COL5A1: variants seen among roughly 807,000 people sequenced by gnomAD.
The protein encoded by COL5A1 is collagen alpha-1(V) chain.
Under a neutral mutation model 263.7 loss-of-function variants are expected in COL5A1, and 16 were observed. The observed-to-expected ratio is 0.06, with a 90% CI of 0.04 to 0.09. The LOEUF is 0.09. Ranked by LOEUF, COL5A1 falls within the 10% of genes least tolerant of loss-of-function variation. COL5A1 has a pLI of 1.00. For missense variants in COL5A1, 2,036 were observed against 2,540.5 expected (o/e 0.80, Z 4.27); for synonymous variants, 1,012 against 1,004.5 (o/e 1.01, Z -0.14).
chr9:134,655,757 C>T (rs902034779), intron 1 of COL5A1, among the ~76,000 whole-genome samples: 3 of 152,094 alleles, frequency 2.0e-5, no homozygotes, highest in African/African-American at 4.8e-5. Flanking sequence ...GGACTCAGCC[C>T]GAAGGCTGTG....
chr9:134,738,512 C>T lies in COL5A1; in HGVS notation c.1428C>T (p.Pro476=), dbSNP rs745633063. ...AGGGCCCGCCTGGCCCAGAAGGCCC[C>T]GCGGTGAGTATCCGGCTTTATCCTG... ...LIEGPPGPEG[P]AGLPGPPGTM... is the part of the protein sequence containing the mutation. The change falls in exon 10 of 66, where the codon CCC becomes CCT. Residue 476 remains proline (P), a synonymous_variant. Coordinates refer to ENST00000371817, the MANE Select transcript of COL5A1 (RefSeq NM_000093.5). 3.1e-5 allele frequency: 50 copies of T among 1,613,996 alleles called. 1 individual carries two copies. The highest frequency in any genetic ancestry group is 3.3e-4 in the Middle Eastern group (2 of 6,062).
intron 1 of COL5A1, among the ~76,000 whole-genome samples, chr9:134,679,576 A>AG (rs1224158822): frequency 1.2e-3 from 21 of 18,256 alleles, no homozygotes; most frequent in Admixed American, 2.7e-3. Context: ...GGGGCTGGCT[A>AG]GGGGCACTGT....
chr9:134,699,793 C>T, intron 2 of COL5A1, 116 bp from the exon 3 acceptor site: 2 of 978,580 alleles, frequency 2.0e-6, no homozygotes, highest in Non-Finnish European at 3.2e-6. Flanking sequence ...GGCAGTGCCC[C>T]ACGACGGGCA....
intron 63 of COL5A1, among the ~76,000 whole-genome samples, chr9:134,827,199 G>T (rs576192844): frequency 1.3e-5 from 2 of 152,238 alleles, no homozygotes; most frequent in Non-Finnish European, 2.9e-5. Context: ...TTTCCTGCCA[G>T]GGGAAGAGCA....
intron 4 of COL5A1, among the ~76,000 whole-genome samples, chr9:134,705,973 T>C (rs1436742582): frequency 6.6e-6 from 1 of 152,206 alleles, no homozygotes; most frequent in Non-Finnish European, 1.5e-5. Flanking sequence ...TGCCCGTACC[T>C]GCACCTGCCA....
intron 2 of COL5A1, among the ~76,000 whole-genome samples, chr9:134,697,786 C>T (rs1025329921): frequency 6.6e-6 from 1 of 152,184 alleles, no homozygotes; most frequent in Non-Finnish European, 1.5e-5. Flanking sequence ...TCCAGAGTCC[C>T]CCGCCCACAT....
Position 134,703,135 on chromosome 9 carries a change from C to T in COL5A1, c.654+1802C>T, listed in dbSNP as rs115252081. ...TGAAGGTGGTGGAGATTCTGCTGAA[C>T]GTGCAGTTGGCTCTGGGTCAGTTTC... On this transcript the variant is annotated intron_variant, in intron 4 of 65. Coordinates refer to ENST00000371817, the MANE Select transcript of COL5A1 (RefSeq NM_000093.5). Among the ~76,000 whole-genome samples, 426 of 152,326 alleles carry T rather than the reference C, an allele frequency of 2.8e-3. 2 individuals are homozygous for T. Among genetic ancestry groups the T allele is most frequent in the African/African-American group, 9.0e-3 (376 of 41,578 alleles).
At chr9:134,801,874 A>G (rs1236321377) in intron 37 of COL5A1, 80 bp from the exon 38 acceptor site, 1 of 1,262,776 alleles carries the variant, frequency 7.9e-7, no homozygotes, top group Non-Finnish European at 1.2e-6. Context: ...GTGGGGGGCA[A>G]GCGTCCTGCT....
intron 65 of COL5A1, among the ~76,000 whole-genome samples, chr9:134,837,799 T>C (rs1272985331): frequency 1.3e-5 from 2 of 152,110 alleles, no homozygotes; most frequent in Non-Finnish European, 1.5e-5. Flanking sequence ...CACGTCCGAA[T>C]GCGAACCACC....
At position 134,766,479 on chromosome 9, in the gene COL5A1, C is replaced by G. The variant is rs375456811; in HGVS notation, c.2114C>G (p.Pro705Arg). 2 of 1,614,046 alleles carry G rather than the reference C, an allele frequency of 1.2e-6. No individual in the cohort carries two copies. The highest frequency in any genetic ancestry group is 1.3e-5 in the African/African-American group (1 of 74,936). The change falls in exon 22 of 66, where the codon CCG (proline) becomes CGG (arginine). Residue 705 changes from proline to arginine, a missense_variant. Around this residue, in one of 3 missense-constraint regions of COL5A1, gnomAD observed 1,078 missense variants for 1,521.4 expected, o/e 0.71. Transcript: ENST00000371817. ...PPGVTGMDGQ[P>R]GPKGNVGPQG... ...GGTGTCACGGGTATGGACGGCCAGCCGGGGCCAAAAGGAAATGTGGTAAGT... is the reference window on the plus strand; with the variant it reads ...GGTGTCACGGGTATGGACGGCCAGCGGGGGCCAAAAGGAAATGTGGTAAGT...
chr9:134,661,633 C>A (rs1390256567), intron 1 of COL5A1, among the ~76,000 whole-genome samples: 1 of 152,092 alleles, frequency 6.6e-6, no homozygotes, highest in Non-Finnish European at 1.5e-5. Context: ...ACCCATACCC[C>A]CCTCCCCATG....
intron 57 of COL5A1, 136 bp from the exon 58 acceptor site, chr9:134,819,979 GT>G: frequency 1.3e-6 from 1 of 767,390 alleles, no homozygotes; most frequent in South Asian, 1.4e-5. Flanking sequence ...TGTTGAGCCT[GT>G]TCCCCTTCCA....
intron 4 of COL5A1, 122 bp from the exon 5 acceptor site, chr9:134,727,144 A>T: frequency 9.7e-7 from 1 of 1,032,928 alleles, no homozygotes; most frequent in Non-Finnish European, 1.5e-6. Context: ...GGCTCTGAGG[A>T]CAAGCTCGTC....
intron 4 of COL5A1, among the ~76,000 whole-genome samples, chr9:134,722,145 G>A (rs780423152): frequency 1.3e-5 from 2 of 152,210 alleles, no homozygotes; most frequent in African/African-American, 2.4e-5. Flanking sequence ...GAAATGATTC[G>A]AACGAAGCAC....
In COL5A1 at chr9:134,697,419, C is replaced by T. The variant is rs902568434; in HGVS notation, c.278-2490C>T. ...CGGAGATGGGGGTTCGTGGGCCTAG[C>T]GGTGCCTTGTGCCGGAGACATGAGT... On this transcript the variant is annotated intron_variant, in intron 2 of 65. Coordinates refer to ENST00000371817, the MANE Select transcript of COL5A1 (RefSeq NM_000093.5). Among the ~76,000 whole-genome samples, 14 of 152,264 alleles carry T rather than the reference C, an allele frequency of 9.2e-5. No individual in the cohort carries two copies. The East Asian group carries it at 9.6e-4, about 10-fold the overall frequency.
At chr9:134,740,090 G>A (rs1037086972) in intron 11 of COL5A1, among the ~76,000 whole-genome samples, 18 of 152,204 alleles carry the variant, frequency 1.2e-4, no homozygotes, top group Non-Finnish European at 2.1e-4. Context: ...GGCAAGGGCC[G>A]TGGCGGGAAA....
In COL5A1 at chr9:134,821,296, TGAA is replaced by T. The variant is rs1838990330; in HGVS notation, c.4555-799_4555-797del. On this transcript the variant is annotated intron_variant, in intron 58 of 65. Transcript: ENST00000371817. The surrounding 1 kb of genome is among the most constrained non-coding windows in gnomAD (Gnocchi z 4.2). ...ACCATGGTCTTGGCGGCATTGCTGA[TGAA>T]GGTGTCGGGTTGGTGTGCAGGCTTG... Among the ~76,000 whole-genome samples, 1 of 152,104 alleles carries T rather than the reference TGAA, an allele frequency of 6.6e-6. No individual in the cohort carries two copies. Among genetic ancestry groups the T allele is most frequent in the African/African-American group, 2.4e-5 (1 of 41,426 alleles).
intron 4 of COL5A1, among the ~76,000 whole-genome samples, chr9:134,703,295 G>A (rs1564398497): frequency 6.6e-6 from 1 of 152,232 alleles, no homozygotes; most frequent in Non-Finnish European, 1.5e-5. Context: ...CGCCTGGAAG[G>A]AACTGCGGGC....
intron 34 of COL5A1, 64 bp from the exon 35 acceptor site, chr9:134,796,310 C>T (rs1837907051): frequency 1.9e-6 from 3 of 1,551,718 alleles, no homozygotes; most frequent in African/African-American, 1.4e-5. Flanking sequence ...ACGTTGTGGG[C>T]CAGAGTCTTT....
Sources: allele counts gnomAD v4.1 joint callset (sites outside exome capture counted in the v4.1 genomes callset), GRCh38; gene constraint gnomAD v4.1.1; regional missense constraint gnomAD v4.1.1; non-coding constraint Gnocchi (gnomAD v3.1); transcripts MANE v1.5; gene names NCBI Gene and HGNC (gene_info 2026-07-23, HGNC 2026-07-21).